The following ADRA1D variants were observed in gnomAD, a reference collection of about 807,000 sequenced individuals.
ADRA1D encodes alpha-1D adrenergic receptor.
A neutral mutation model predicts 18.6 loss-of-function variants in ADRA1D; 22 were observed. The observed-to-expected ratio is 1.19, with a 90% CI of 0.85 to 1.69. The LOEUF (loss-of-function observed/expected upper bound fraction) is 1.69, where lower values mean the gene tolerates loss of function less well. Ranked by LOEUF, ADRA1D falls within the 40% of genes most tolerant of loss-of-function variation. The probability of loss-of-function intolerance (pLI) is 0.00; values close to 1 mark genes in which losing one functional copy is unlikely to be tolerated. For missense variants in ADRA1D, 840 were observed against 840.7 expected, an observed-to-expected ratio of 1.00 and a Z score of 0.01; for synonymous variants, 376 against 388.2, an observed-to-expected ratio of 0.97 and a Z score of 0.37.
chr20:4,236,805 C>G (rs933519858), intron 1 of ADRA1D, among the ~76,000 whole-genome samples: 2 of 152,114 alleles, frequency 1.3e-5, no homozygotes, highest in African/African-American at 4.8e-5. Flanking sequence ...TCGGACCATT[C>G]TGCGGATAGA....
chr20:4,240,797 A>G (rs1196794501), intron 1 of ADRA1D, among the ~76,000 whole-genome samples: 1 of 152,176 alleles, frequency 6.6e-6, no homozygotes, highest in African/African-American at 2.4e-5. Context: ...ATCTCAAAAA[A>G]CAAACAAACA....
chr20:4,240,913 C>G (rs1297044603), intron 1 of ADRA1D, among the ~76,000 whole-genome samples: 2 of 152,166 alleles, frequency 1.3e-5, no homozygotes. Context: ...GTTCATTATA[C>G]TAACAGGGTT....
chr20:4,243,582 G>C (rs1209638604), intron 1 of ADRA1D, among the ~76,000 whole-genome samples: 1 of 152,116 alleles, frequency 6.6e-6, no homozygotes, highest in African/African-American at 2.4e-5. Flanking sequence ...CTATCCCACC[G>C]GTCACAGGCA....
In ADRA1D at chr20:4,222,257, C is replaced by A. The variant is rs1410175370; in HGVS notation, c.1112-127G>T. On this transcript the variant is annotated intron_variant, in intron 1 of 1. Coordinates refer to ENST00000379453, the MANE Select transcript of ADRA1D (RefSeq NM_000678.4). This position sits in a 1 kb window ranked among gnomAD's most constrained non-coding sequence, Gnocchi z 4.3. ...ATTGACTAGGAGTTCTCAAGGGATC[C>A]GTGCTGTAAATCAGGAGGTCCATGA... 7 of 1,333,036 alleles carry A rather than the reference C, an allele frequency of 5.3e-6. No individual in the cohort carries two copies. In the East Asian group the frequency reaches 1.6e-4, roughly 31 times the overall value. The allele number at this position is 1,333,036 out of a possible 1,614,324, so 82.6% of individuals were successfully genotyped here. A position where few individuals can be genotyped will look rare whatever the true frequency, so the allele number is the denominator to read the frequency against.
intron 1 of ADRA1D, among the ~76,000 whole-genome samples, chr20:4,235,833 G>A (rs779696762): frequency 3.5e-4 from 54 of 152,220 alleles, no homozygotes; most frequent in South Asian, 6.2e-4. Flanking sequence ...GGTGCACGGT[G>A]GGGCTGGGGG....
chr20:4,235,816 T>G (rs73896003), intron 1 of ADRA1D, among the ~76,000 whole-genome samples: 5,659 of 152,314 alleles, frequency 0.037, 361 homozygotes, highest in African/African-American at 0.13. Flanking sequence ...CCCTCCAGCG[T>G]GCTCAGGGTG....
chr20:4,247,765 G>T, intron 1 of ADRA1D, 82 bp downstream of exon 1: 1 of 1,394,596 alleles, frequency 7.2e-7, no homozygotes, highest in Non-Finnish European at 9.4e-7. Context: ...TCAGGTGGGG[G>T]TCGCCCAAGT....
At position 4,248,252 on chromosome 20, in the gene ADRA1D, T is replaced by C; in HGVS notation, c.706A>G (p.Lys236Glu). 1 of 1,607,660 alleles carries C rather than the reference T, an allele frequency of 6.2e-7. No individual in the cohort carries two copies. Among genetic ancestry groups the C allele is most frequent in the Non-Finnish European group, 8.5e-7 (1 of 1,177,484 alleles). ...CGCTCGTCAGGGGGCACGGGCTCCT[T>C]CCAGCCCAGCAGGGGCCCTACGGAC... ...VVSVGPLLGW[K>E]EPVPPDERFC... The change falls in exon 1 of 2, where the codon AAG (lysine) becomes GAG (glutamate). Residue 236 changes from lysine (K) to glutamate (E), a missense_variant. Transcript: ENST00000379453.
intron 1 of ADRA1D, among the ~76,000 whole-genome samples, 173 bp downstream of exon 1, chr20:4,247,674 C>T (rs1440475800): frequency 6.6e-6 from 1 of 152,182 alleles, no homozygotes; most frequent in Non-Finnish European, 1.5e-5. Context: ...GATGAAGAAC[C>T]GTTCCTTGGC....
At chr20:4,231,267 G>GTTATTATTA (rs58687402) in intron 1 of ADRA1D, among the ~76,000 whole-genome samples, 7,609 of 138,844 alleles carry the variant, frequency 0.055, 257 homozygotes, top group Admixed American at 0.072. Context: ...CTGGCTAATT[G>GTTATTATTA]TTATTATTAT....
At position 4,248,514 on chromosome 20, in the gene ADRA1D, G is replaced by C. The variant is rs1329859184; in HGVS notation, c.444C>G (p.Thr148=). Reference sequence around the variant, plus strand: ...CCATGGTGGCCGAGAAGGGCAGTACGGTGGCGCTCAGCAGCAGGTCGGCCA... The same window carrying C: ...CCATGGTGGCCGAGAAGGGCAGTACCGTGGCGCTCAGCAGCAGGTCGGCCA... ...LAVADLLLSA[T]VLPFSATMEV... The change falls in exon 1 of 2, where the codon ACC becomes ACG. Residue 148 remains threonine, a synonymous_variant. Transcript: ENST00000379453. The C allele has an allele frequency of 1.2e-6, 2 of 1,613,744 alleles. No homozygotes were observed. The highest frequency in any genetic ancestry group is 1.7e-5 in the Admixed American group (1 of 59,992).
At chr20:4,243,527 A>G (rs1334251307) in intron 1 of ADRA1D, among the ~76,000 whole-genome samples, 1 of 152,208 alleles carries the variant, frequency 6.6e-6, no homozygotes, top group African/African-American at 2.4e-5. Context: ...ACTACGTTCT[A>G]TCTCCAAAGT....
Position 4,248,724 on chromosome 20 carries a change from G to C in ADRA1D, c.234C>G (p.Gly78=). Residue 78 remains glycine, a synonymous_variant, in exon 1 of 2, where the codon GGC becomes GGG. Transcript: ENST00000379453. ...SAGEPGSAGA[G]GDVNGTAAVG... is the part of the protein sequence containing the mutation. ...CGGCCGCCGTGCCATTCACGTCGCCGCCCGCGCCCGCGCTCCCCGGCTCCC... is the reference window on the plus strand; with the variant it reads ...CGGCCGCCGTGCCATTCACGTCGCCCCCCGCGCCCGCGCTCCCCGGCTCCC... The C allele has an allele frequency of 6.5e-7, 1 of 1,547,302 alleles. No homozygotes were observed. The highest frequency in any genetic ancestry group is 8.7e-7 in the Non-Finnish European group (1 of 1,145,918).
At chr20:4,237,560 G>A (rs901593856) in intron 1 of ADRA1D, among the ~76,000 whole-genome samples, 4 of 151,998 alleles carry the variant, frequency 2.6e-5, no homozygotes, top group African/African-American at 9.7e-5. Flanking sequence ...TGTGCCCTTA[G>A]CCCTGGGGCA....
chr20:4,234,038 G>A (rs1415914561), intron 1 of ADRA1D, among the ~76,000 whole-genome samples: 2 of 152,224 alleles, frequency 1.3e-5, no homozygotes, highest in Non-Finnish European at 2.9e-5. Flanking sequence ...CCTCTGGTCA[G>A]AAGAGGTGAG....
In ADRA1D at chr20:4,248,077, C is replaced by T; in HGVS notation, c.881G>A (p.Arg294His). 6.4e-7 allele frequency: 1 copy of T among 1,551,610 alleles called. No individual in the cohort carries two copies. The highest frequency in any genetic ancestry group is 1.4e-5 in the African/African-American group (1 of 73,262). Residue 294 changes from arginine to histidine, a missense_variant, in exon 1 of 2, where the codon CGC (arginine) becomes CAC (histidine). Arg to His is a conservative substitution (Grantham distance 29, BLOSUM62 0). Coordinates refer to ENST00000379453, the MANE Select transcript of ADRA1D (RefSeq NM_000678.4). ...CACCTCGGAGGCCTTGCCTCGCTCG[C>T]GCTTGACGCCCGCCTCGAGGCTGCG... ...TTRSLEAGVK[R>H]ERGKASEVVL...
chr20:4,226,743 C>T (rs1303660703), intron 1 of ADRA1D, among the ~76,000 whole-genome samples: 2 of 152,202 alleles, frequency 1.3e-5, no homozygotes, highest in Admixed American at 6.5e-5. Context: ...GAACCAGTGG[C>T]ATCTGCCACA....
chr20:4,236,973 A>G (rs1185520505), intron 1 of ADRA1D, among the ~76,000 whole-genome samples: 1 of 152,144 alleles, frequency 6.6e-6, no homozygotes, highest in Non-Finnish European at 1.5e-5. Context: ...ATATTCTTTG[A>G]AGTCACTCAG....
rs1276976696 is a variant in ADRA1D at position 4,249,107 on chromosome 20, G to A, written c.-150C>T. 4 of 620,794 alleles carry A rather than the reference G, an allele frequency of 6.4e-6. No homozygotes were observed. The highest frequency in any genetic ancestry group is 7.9e-5 in the East Asian group (1 of 12,644). The allele number at this position is 620,794 out of a possible 1,614,324, so 38.5% of individuals were successfully genotyped here. ...CCCAAGTTCCTGTGACGCGGAGCGC[G>A]GCTGTCCGAGAGCGGAGCTGCCTGG... On this transcript the variant is annotated 5_prime_UTR_variant, in exon 1 of 2. Coordinates refer to ENST00000379453, the MANE Select transcript of ADRA1D (RefSeq NM_000678.4).
Sources: allele counts gnomAD v4.1 joint callset (sites outside exome capture counted in the v4.1 genomes callset), GRCh38; gene constraint gnomAD v4.1.1; non-coding constraint Gnocchi (gnomAD v3.1); transcripts MANE v1.5; gene names NCBI Gene and HGNC (gene_info 2026-07-23, HGNC 2026-07-21).